Variants in MNAT1 observed in about 807,000 individuals in gnomAD.
MNAT1 encodes MNAT1 component of CDK activating kinase.
Under a neutral mutation model 42.0 loss-of-function variants are expected in MNAT1, and 43 were observed. The observed-to-expected ratio is 1.02, with a 90% CI of 0.80 to 1.32. The LOEUF (loss-of-function observed/expected upper bound fraction) is 1.32, where lower values mean the gene tolerates loss of function less well. MNAT1 is among the 40% of genes most tolerant of loss of function. MNAT1 has a pLI of 0.00. For missense variants in MNAT1, 306 were observed against 350.4 expected (o/e 0.87, Z 1.01); for synonymous variants, 118 against 120.0 (o/e 0.98, Z 0.11).
chr14:60,837,944 C>CA, intron 6 of MNAT1, among the ~76,000 whole-genome samples: 1 of 152,290 alleles, frequency 6.6e-6, no homozygotes, highest in East Asian at 1.9e-4. Flanking sequence ...TTCTAATGAA[C>CA]ACATGAAAGA....
At position 60,898,287 on chromosome 14, in the gene MNAT1, C is replaced by G. The variant is rs571167191; in HGVS notation, c.809+18452C>G. ...TGATTTCTTTTCCTTTGGTTAGATA[C>G]CCAGTAGTGGGATTGCTGGATCATA... On this transcript the variant is annotated intron_variant, in intron 7 of 7. Transcript: ENST00000261245. Among the ~76,000 whole-genome samples, 6 of 152,066 alleles carry G rather than the reference C, an allele frequency of 3.9e-5. No individual in the cohort carries two copies. The South Asian group carries it at 1.2e-3, about 32-fold the overall frequency.
intron 7 of MNAT1, among the ~76,000 whole-genome samples, chr14:60,946,542 T>A (rs1475259643): frequency 6.6e-6 from 1 of 152,186 alleles, no homozygotes; most frequent in Non-Finnish European, 1.5e-5. Flanking sequence ...GTTTTTTTTT[T>A]CTTCCTCTGA....
chr14:60,865,308 A>G (rs1224360053), intron 6 of MNAT1, among the ~76,000 whole-genome samples: 1 of 152,082 alleles, frequency 6.6e-6, no homozygotes, highest in Non-Finnish European at 1.5e-5. Flanking sequence ...ACATTAGGAA[A>G]TTTGGACTTA....
chr14:60,754,005 C>T (rs2030219182), intron 1 of MNAT1: 1 of 152,146 alleles, frequency 6.6e-6, no homozygotes, highest in Non-Finnish European at 1.5e-5. Flanking sequence ...CGTCAGCAGC[C>T]TTATGAAGTT....
chr14:60,771,897 T>C (rs2031073975), intron 1 of MNAT1, among the ~76,000 whole-genome samples: 1 of 152,200 alleles, frequency 6.6e-6, no homozygotes, highest in African/African-American at 2.4e-5. Flanking sequence ...AAAGTGTCCA[T>C]TTTCTATGAT....
chr14:60,922,903 A>G (rs1169141143), intron 7 of MNAT1, among the ~76,000 whole-genome samples: 11 of 152,170 alleles, frequency 7.2e-5, no homozygotes, highest in Non-Finnish European at 1.3e-4. Context: ...ACCAGACTTG[A>G]AGGTTTGATT....
intron 7 of MNAT1, among the ~76,000 whole-genome samples, chr14:60,880,713 T>C (rs1248064789): frequency 6.6e-6 from 1 of 152,162 alleles, no homozygotes; most frequent in African/African-American, 2.4e-5. Flanking sequence ...GCATAATATT[T>C]TACATGTGAA....
intron 7 of MNAT1, among the ~76,000 whole-genome samples, chr14:60,881,597 T>TA (rs1294515154): frequency 1.1e-4 from 17 of 152,022 alleles, no homozygotes; most frequent in East Asian, 5.8e-4. Flanking sequence ...AAGATATAAT[T>TA]AAAAAAGAAA....
chr14:60,857,575 G>A (rs1311981526), intron 6 of MNAT1, among the ~76,000 whole-genome samples: 1 of 151,528 alleles, frequency 6.6e-6, no homozygotes, highest in African/African-American at 2.4e-5. Flanking sequence ...AGCAGTGGCA[G>A]TTTTTTTTTA....
chr14:60,926,622 C>T (rs896907693), intron 7 of MNAT1, among the ~76,000 whole-genome samples: 1 of 152,160 alleles, frequency 6.6e-6, no homozygotes, highest in Admixed American at 6.5e-5. Flanking sequence ...AGTTGGGGAG[C>T]ACAGAGCTTC....
intron 5 of MNAT1, among the ~76,000 whole-genome samples, chr14:60,813,208 G>A (rs1244930002): frequency 4.6e-5 from 7 of 152,192 alleles, no homozygotes; most frequent in Non-Finnish European, 7.3e-5. Context: ...TGCCTGGGGC[G>A]GATGGCTGGG....
intron 7 of MNAT1, among the ~76,000 whole-genome samples, chr14:60,943,126 C>G (rs984338349): frequency 8.0e-6 from 1 of 124,648 alleles, no homozygotes; most frequent in African/African-American, 3.1e-5. Flanking sequence ...GCAATTTTGG[C>G]TCACTGCAAC....
chr14:60,793,643 G>C (rs920717697), intron 1 of MNAT1, among the ~76,000 whole-genome samples: 1 of 151,656 alleles, frequency 6.6e-6, no homozygotes, highest in Admixed American at 6.6e-5. Flanking sequence ...AAAGCACTGG[G>C]ATTATAGGCG....
At chr14:60,885,304 A>G (rs903560012) in intron 7 of MNAT1, among the ~76,000 whole-genome samples, 1 of 151,602 alleles carries the variant, frequency 6.6e-6, no homozygotes, top group Non-Finnish European at 1.5e-5. Context: ...TCTGTCTCCT[A>G]TTTAGGCCCC....
At chr14:60,780,740 G>C (rs113178297) in intron 1 of MNAT1, 1 of 569,856 alleles carries the variant, frequency 1.8e-6, no homozygotes, top group African/African-American at 1.9e-5. Context: ...GTGTGTAATT[G>C]TTCCTTTTGT....
At chr14:60,871,865 C>T (rs1028988171) in intron 6 of MNAT1, among the ~76,000 whole-genome samples, 10 of 152,012 alleles carry the variant, frequency 6.6e-5, no homozygotes, top group Non-Finnish European at 7.4e-5. Context: ...TCAGGTGATC[C>T]ACCCGCCTCG....
chr14:60,757,956 A>T (rs992264237), intron 1 of MNAT1, among the ~76,000 whole-genome samples: 1 of 152,218 alleles, frequency 6.6e-6, no homozygotes, highest in East Asian at 1.9e-4. Context: ...ATGTTACAAT[A>T]CACTACAATA....
At chr14:60,936,699 C>T (rs369934773) in intron 7 of MNAT1, among the ~76,000 whole-genome samples, 95 of 152,064 alleles carry the variant, frequency 6.2e-4, no homozygotes, top group Middle Eastern at 3.4e-3. Flanking sequence ...TGTGCATGTG[C>T]CTTTATAGCA....
intron 6 of MNAT1, among the ~76,000 whole-genome samples, chr14:60,821,999 C>T (rs536512571): frequency 9.1e-4 from 139 of 152,292 alleles, no homozygotes; most frequent in African/African-American, 3.2e-3. Flanking sequence ...TTCCATCACT[C>T]TATCATATTT....
Sources: allele counts gnomAD v4.1 joint callset (sites outside exome capture counted in the v4.1 genomes callset), GRCh38; gene constraint gnomAD v4.1.1; transcripts MANE v1.5; gene names NCBI Gene and HGNC (gene_info 2026-07-23, HGNC 2026-07-21).